RTN4RL1: variants seen among roughly 807,000 people sequenced by gnomAD.
RTN4RL1 encodes the protein reticulon-4 receptor-like 1.
A neutral mutation model predicts 25.6 loss-of-function variants in RTN4RL1; 7 were observed. The ratio of observed to expected loss-of-function variants is 0.27; its 90% confidence interval spans 0.16 to 0.51. The LOEUF (loss-of-function observed/expected upper bound fraction) is 0.51, where lower values mean the gene tolerates loss of function less well. RTN4RL1 is among the 20% of genes least tolerant of loss of function. The pLI is 0.97. For missense variants in RTN4RL1, 500 were observed against 615.6 expected (o/e 0.81, Z 1.99); for synonymous variants, 297 against 288.2 (o/e 1.03, Z -0.31).
chr17:2,016,118 T>G, intron 1 of RTN4RL1, among the ~76,000 whole-genome samples: 1 of 152,146 alleles, frequency 6.6e-6, no homozygotes. Context: ...CGGTGGCTCA[T>G]GCCTGTAATC....
At chr17:1,947,559 C>T (rs1915582725) in intron 1 of RTN4RL1, among the ~76,000 whole-genome samples, 1 of 152,224 alleles carries the variant, frequency 6.6e-6, no homozygotes, top group African/African-American at 2.4e-5. Context: ...CAGGATCGCT[C>T]TCAGCTGAGA....
chr17:1,979,411 A>G (rs2066857218), intron 1 of RTN4RL1, among the ~76,000 whole-genome samples: 1 of 152,196 alleles, frequency 6.6e-6, no homozygotes, highest in African/African-American at 2.4e-5. Flanking sequence ...CAGGAGGTCA[A>G]GGCTGCAATG....
At chr17:1,995,124 G>C (rs2066923732) in intron 1 of RTN4RL1, among the ~76,000 whole-genome samples, 1 of 152,048 alleles carries the variant, frequency 6.6e-6, no homozygotes, top group Admixed American at 6.6e-5. Flanking sequence ...ACTGCAAAAG[G>C]TAGGCATGGG....
At chr17:2,001,710 C>T (rs2066958526) in intron 1 of RTN4RL1, 1 of 152,346 alleles carries the variant, frequency 6.6e-6, no homozygotes, top group Non-Finnish European at 1.5e-5. Flanking sequence ...CTTCCTATGT[C>T]CTGTACTGCT....
chr17:1,936,333 T>G lies in RTN4RL1; in HGVS notation c.*163A>C. ...CCCGCCTAGGGCTGTACACTTTGGG[T>G]TTATAATCCACATGGCAGGGTCCAG... On this transcript the variant is annotated 3_prime_UTR_variant, in exon 2 of 2. Coordinates refer to ENST00000331238, the MANE Select transcript of RTN4RL1 (RefSeq NM_178568.4). The G allele has an allele frequency of 7.0e-7, 1 of 1,421,158 alleles. No individual in the cohort carries two copies. Among genetic ancestry groups the G allele is most frequent in the African/African-American group, 1.5e-5 (1 of 68,746 alleles). 88.0% of individuals were successfully genotyped at this position (1,421,158 alleles called of 1,614,324 possible).
Position 1,935,711 on chromosome 17 carries a change from G to GTGTGTGTGTATATA in RTN4RL1, c.*784_*785insTATATACACACACA, listed in dbSNP as rs1435954605. The GTGTGTGTGTATATA allele has an allele frequency of 1.9e-5, 3 of 157,456 alleles. No homozygotes were observed. Among genetic ancestry groups the GTGTGTGTGTATATA allele is most frequent in the East Asian group, 3.4e-4 (1 of 2,918 alleles). 9.8% of individuals were successfully genotyped at this position (157,456 alleles called of 1,614,324 possible). On this transcript the variant is annotated 3_prime_UTR_variant, in exon 2 of 2. Coordinates refer to ENST00000331238, the MANE Select transcript of RTN4RL1 (RefSeq NM_178568.4). The stretch of plus-strand genomic sequence containing the variant: ...AGTGGGAGGGGGACTGTGCATTTGT[G>GTGTGTGTGTATATA]TATATATATATATATATATATATAT...
intron 1 of RTN4RL1, among the ~76,000 whole-genome samples, chr17:2,007,932 C>G (rs2067011890): frequency 3.4e-5 from 5 of 148,090 alleles, no homozygotes; most frequent in Admixed American, 2.0e-4. Context: ...GGTGACAGAG[C>G]AAGACTCCGT....
In RTN4RL1 at chr17:1,935,719, A is replaced by ATT. The variant is rs1915285048; in HGVS notation, c.*776_*777insAA. ...GGGGACTGTGCATTTGTGTATATATATATATATATATATATATATATATAT... is the reference window on the plus strand; with the variant it reads ...GGGGACTGTGCATTTGTGTATATATATTTATATATATATATATATATATATAT... On this transcript the variant is annotated 3_prime_UTR_variant, in exon 2 of 2. Coordinates refer to ENST00000331238, the MANE Select transcript of RTN4RL1 (RefSeq NM_178568.4). 7.6e-6 allele frequency: 1 copy of ATT among 130,864 alleles called. No homozygotes were observed. The highest frequency in any genetic ancestry group is 1.4e-5 in the Non-Finnish European group (1 of 71,060). The allele number at this position is 130,864 out of a possible 1,614,324, so 8.1% of individuals were successfully genotyped here. A position where few individuals can be genotyped will look rare whatever the true frequency, so the allele number is the denominator to read the frequency against.
intron 1 of RTN4RL1, among the ~76,000 whole-genome samples, chr17:1,966,755 T>A (rs542784754): frequency 6.6e-5 from 10 of 152,260 alleles, no homozygotes; most frequent in African/African-American, 2.4e-4. Flanking sequence ...GGTTCTGTCA[T>A]CCTGTGATGG....
chr17:1,967,564 C>T (rs1298582998), intron 1 of RTN4RL1, among the ~76,000 whole-genome samples: 1 of 152,160 alleles, frequency 6.6e-6, no homozygotes, highest in Non-Finnish European at 1.5e-5. Context: ...TCGAGCCCTA[C>T]ACCTGGAATT....
At chr17:1,993,980 G>T (rs192242354) in intron 1 of RTN4RL1, among the ~76,000 whole-genome samples, 144 of 152,196 alleles carry the variant, frequency 9.5e-4, no homozygotes, top group Admixed American at 3.4e-3. Context: ...TTCCCAAGAA[G>T]AACTCATCAA....
intron 1 of RTN4RL1, among the ~76,000 whole-genome samples, chr17:2,008,428 G>C (rs1166981794): frequency 6.6e-6 from 1 of 152,154 alleles, no homozygotes; most frequent in African/African-American, 2.4e-5. Flanking sequence ...CTGCGTGAAC[G>C]TAGGAAGGAA....
Position 1,994,219 on chromosome 17 carries a change from G to T in RTN4RL1, c.13+30634C>A, listed in dbSNP as rs539397260. On this transcript the variant is annotated intron_variant, in intron 1 of 1. Transcript: ENST00000331238. The surrounding 1 kb of genome is among the most constrained non-coding windows in gnomAD (Gnocchi z 4.3). ...CAGGCGCTGGGAGCTTGAGGGGGAA[G>T]TGATGGGCAAGAGCTGGGGAGGACA... is the stretch of plus-strand genomic sequence containing the variant. Among the ~76,000 whole-genome samples the T allele has an allele frequency of 4.8e-4, 73 of 152,132 alleles. No homozygotes were observed. Among genetic ancestry groups the T allele is most frequent in the African/African-American group, 1.7e-3 (72 of 41,480 alleles).
intron 1 of RTN4RL1, among the ~76,000 whole-genome samples, chr17:2,022,036 C>T (rs978642613): frequency 1.3e-5 from 2 of 149,130 alleles, no homozygotes; most frequent in African/African-American, 2.5e-5. Context: ...AAATTTTGGC[C>T]GGGTGCAGTG....
chr17:1,946,060 G>A lies in RTN4RL1; in HGVS notation c.14-8252C>T, dbSNP rs549418345. Among the ~76,000 whole-genome samples the A allele has an allele frequency of 3.3e-5, 5 of 152,282 alleles. No individual in the cohort carries two copies. The East Asian group carries it at 9.6e-4, about 29-fold the overall frequency. On this transcript the variant is annotated intron_variant, in intron 1 of 1. Coordinates refer to ENST00000331238, the MANE Select transcript of RTN4RL1 (RefSeq NM_178568.4). ...CTGGTCAATCACGGGGTGACCACACGGTGAGGAGAGCTCTGGGAAGGAGGA... is the reference window on the plus strand; with the variant it reads ...CTGGTCAATCACGGGGTGACCACACAGTGAGGAGAGCTCTGGGAAGGAGGA...
At chr17:1,977,497 G>C (rs1244994831) in intron 1 of RTN4RL1, among the ~76,000 whole-genome samples, 1 of 152,104 alleles carries the variant, frequency 6.6e-6, no homozygotes, top group Non-Finnish European at 1.5e-5. Context: ...AAACAAGAGC[G>C]GGGTCGAGAG....
At chr17:2,017,416 CCT>C (rs971208157) in intron 1 of RTN4RL1, among the ~76,000 whole-genome samples, 30 of 152,246 alleles carry the variant, frequency 2.0e-4, no homozygotes, top group Admixed American at 2.0e-4. Context: ...CCACCCACCC[CCT>C]GTGAGGGCGA....
chr17:1,956,738 C>A (rs1915801462), intron 1 of RTN4RL1, among the ~76,000 whole-genome samples: 1 of 132,610 alleles, frequency 7.5e-6, no homozygotes, highest in Non-Finnish European at 1.6e-5. Context: ...CTGTCGGGAA[C>A]TTTTTTTTTT....
At chr17:1,975,021 G>T (rs1375233074) in intron 1 of RTN4RL1, among the ~76,000 whole-genome samples, 1 of 152,198 alleles carries the variant, frequency 6.6e-6, no homozygotes, top group African/African-American at 2.4e-5. Context: ...AGAATCCAGA[G>T]GCCCAGGGGC....
Sources: gnomAD v4.1 joint callset for allele counts (sites outside exome capture counted in the v4.1 genomes callset) on GRCh38, gnomAD v4.1.1 for gene constraint, Gnocchi (gnomAD v3.1) non-coding constraint, MANE v1.5 for transcripts, NCBI Gene and HGNC (gene_info 2026-07-23, HGNC 2026-07-21) for gene names.